Variants in USP42 observed in about 807,000 individuals in gnomAD.
USP42 encodes the protein ubiquitin carboxyl-terminal hydrolase 42.
In USP42, 23 loss-of-function variants were observed where a neutral mutation model predicts 113.0. That is an observed-to-expected ratio of 0.20 (90% confidence interval 0.15 to 0.29). USP42 has a LOEUF of 0.29. Ranked by LOEUF, USP42 falls within the 10% of genes least tolerant of loss-of-function variation. USP42 has a pLI of 1.00. For synonymous variants in USP42, 933 were observed against 699.0 expected (o/e 1.33, Z -5.28); for missense variants, 2,174 against 1,779.8 (o/e 1.22, Z -3.99).
chr7:6,104,884 AGGGGCGCGGCGGGCGCGGC>A (rs1278172827), upstream of USP42: 1 of 145,416 alleles, frequency 6.9e-6, no homozygotes, highest in East Asian at 2.0e-4. Context: ...GGCGGCCCGG[AGGGGCGCGGCGGGCGCGGC>A]GCTGACCCGG....
Position 6,154,625 on chromosome 7 carries a change from A to G in USP42, c.3071A>G (p.His1024Arg). The G allele has an allele frequency of 6.2e-7, 1 of 1,600,332 alleles. No individual in the cohort carries two copies. The highest frequency in any genetic ancestry group is 8.5e-7 in the Non-Finnish European group (1 of 1,174,856). Reference protein sequence around the residue: ...LGRCSHHHSRHRSGVELDWVR... With the variant: ...LGRCSHHHSRRRSGVELDWVR... Reference sequence around the variant, plus strand: ...AGGTGCAGTCACCACCACTCCCGACACCGGAGCGGGGTGGAGCTGGACTGG... The same window carrying G: ...AGGTGCAGTCACCACCACTCCCGACGCCGGAGCGGGGTGGAGCTGGACTGG... Residue 1024 changes from histidine to arginine, a missense_variant, in exon 15 of 18, where the codon CAC becomes CGC. His to Arg is a conservative substitution (Grantham distance 29). Coordinates refer to ENST00000306177, the MANE Select transcript of USP42 (RefSeq NM_032172.3).
At position 6,156,863 on chromosome 7, in the gene USP42, G is replaced by A; in HGVS notation, c.3751G>A (p.Val1251Ile). Residue 1251 changes from valine (V) to isoleucine (I), a missense_variant, in exon 16 of 18, where the codon GTT becomes ATT. Physicochemically the swap from Val to Ile is conservative, Grantham distance 29 (BLOSUM62 3). Coordinates refer to ENST00000306177, the MANE Select transcript of USP42 (RefSeq NM_032172.3). ...KRHSRKSEDFVKDSELHLPRV... is the reference protein window; with the variant it reads ...KRHSRKSEDFIKDSELHLPRV... Reference sequence around the variant, plus strand: ...ACATTCAAGAAAATCAGAGGACTTTGTTAAAGATTCAGAACTGCACTTACC... The same window carrying A: ...ACATTCAAGAAAATCAGAGGACTTTATTAAAGATTCAGAACTGCACTTACC... The A allele has an allele frequency of 1.9e-6, 3 of 1,611,938 alleles. No individual in the cohort carries two copies. Among genetic ancestry groups the A allele is most frequent in the South Asian group, 2.2e-5 (2 of 90,712 alleles).
chr7:6,121,978 A>G (rs73335408), intron 3 of USP42, among the ~76,000 whole-genome samples: 2,092 of 152,286 alleles, frequency 0.014, 21 homozygotes, highest in African/African-American at 0.019. Flanking sequence ...CGTTTGATCA[A>G]TCTGACCAGA....
At chr7:6,126,797 T>C (rs1408791961) in intron 3 of USP42, among the ~76,000 whole-genome samples, 1 of 152,124 alleles carries the variant, frequency 6.6e-6, no homozygotes, top group Non-Finnish European at 1.5e-5. Context: ...TTGTTACTAG[T>C]TTTGGGATAT....
intron 3 of USP42, among the ~76,000 whole-genome samples, chr7:6,121,032 G>GT (rs895812427): frequency 5.9e-4 from 87 of 146,658 alleles, no homozygotes; most frequent in Middle Eastern, 3.5e-3. Context: ...ATTCTAGTAG[G>GT]TTTTTTTTTT....
chr7:6,118,083 C>T (rs1030955911), intron 3 of USP42, among the ~76,000 whole-genome samples: 18 of 148,524 alleles, frequency 1.2e-4, no homozygotes, highest in Middle Eastern at 3.4e-3. Context: ...TCTTTTTATT[C>T]GTTGTGCTGT....
chr7:6,123,015 G>A (rs1033868216), intron 3 of USP42, among the ~76,000 whole-genome samples: 1 of 151,190 alleles, frequency 6.6e-6, no homozygotes, highest in African/African-American at 2.4e-5. Context: ...AGTAGTGATG[G>A]GGTTTCGCCC....
At position 6,149,649 on chromosome 7, in the gene USP42, A is replaced by T. The variant is rs773451113; in HGVS notation, c.1453A>T (p.Asn485Tyr). ...GCCAAGCAGTTCCATGTCGAGTCCT[A>T]ACGGGAATTCCAGTGTCAACAGGGC... The part of the protein sequence containing the change: ...DTPSSSMSSP[N>Y]GNSSVNRASP... The change falls in exon 13 of 18, where the codon AAC (asparagine) becomes TAC (tyrosine). Residue 485 changes from asparagine (N) to tyrosine (Y), a missense_variant. Asn to Tyr is a moderately radical substitution (Grantham distance 143). Coordinates refer to ENST00000306177, the MANE Select transcript of USP42 (RefSeq NM_032172.3). The T allele has an allele frequency of 6.2e-7, 1 of 1,613,966 alleles. No individual in the cohort carries two copies. The highest frequency in any genetic ancestry group is 1.1e-5 in the South Asian group (1 of 91,076).
chr7:6,145,801 G>T, intron 10 of USP42, 145 bp downstream of exon 10: 2 of 985,822 alleles, frequency 2.0e-6, no homozygotes, highest in South Asian at 3.3e-5. Context: ...CGGGCGCAGT[G>T]GCTTACTCCT....
the USP42 span, among the ~76,000 whole-genome samples, chr7:6,095,185 A>T: frequency 6.6e-6 from 1 of 151,170 alleles, no homozygotes; most frequent in South Asian, 2.1e-4. Context: ...GGAACCAGGG[A>T]ATTGACCACT....
At chr7:6,152,868 C>G in intron 14 of USP42, 6 of 944,478 alleles carry the variant, frequency 6.4e-6, no homozygotes, top group Non-Finnish European at 7.6e-6. Flanking sequence ...GAGGTGGCCC[C>G]TCTACCTTTG....
intron 3 of USP42, among the ~76,000 whole-genome samples, chr7:6,122,420 A>G (rs1430197147): frequency 6.6e-6 from 1 of 151,568 alleles, no homozygotes; most frequent in Non-Finnish European, 1.5e-5. Flanking sequence ...CAAGTAGCTG[A>G]GACTACAGAC....
At chr7:6,103,255 G>C (rs981566304), upstream of USP42, among the ~76,000 whole-genome samples, 3 of 151,034 alleles carry the variant, frequency 2.0e-5, no homozygotes, top group South Asian at 4.1e-4. Flanking sequence ...TAGGATTTGA[G>C]ATAAAATCTG....
chr7:6,159,456 G>T lies in USP42; in HGVS notation c.3950G>T (p.Ter1317LeuextTer28). 1 of 1,613,984 alleles carries T rather than the reference G, an allele frequency of 6.2e-7. No homozygotes were observed. Among genetic ancestry groups the T allele is most frequent in the Admixed American group, 1.7e-5 (1 of 60,004 alleles). Reference sequence around the variant, plus strand: ...CCTGACCTTTGCTTTCTAGGTGATTGAAAACTCAGCCTCAAAACAAAAAAT... The same window carrying T: ...CCTGACCTTTGCTTTCTAGGTGATTTAAAACTCAGCCTCAAAACAAAAAAT... The part of the protein sequence containing the change: ...CRLFEYGQGD[*>L] The change falls in exon 17 of 18, where the codon TGA (stop) becomes TTA (leucine). Residue 1317 changes from the stop codon to leucine (L), a stop_lost. Coordinates refer to ENST00000306177, the MANE Select transcript of USP42 (RefSeq NM_032172.3). This position sits in a 1 kb window ranked among gnomAD's most constrained non-coding sequence, Gnocchi z 4.1.
At chr7:6,126,707 G>A (rs973315768) in intron 3 of USP42, among the ~76,000 whole-genome samples, 1 of 152,104 alleles carries the variant, frequency 6.6e-6, no homozygotes, top group Non-Finnish European at 1.5e-5. Flanking sequence ...TTGGGATATC[G>A]TGAGTAGAGC....
chr7:6,082,014 C>T, the USP42 span, among the ~76,000 whole-genome samples: 1 of 151,640 alleles, frequency 6.6e-6, no homozygotes, highest in African/African-American at 2.4e-5. Flanking sequence ...GTATTTTCTG[C>T]GGGGACTTGT....
chr7:6,133,589 A>C (rs1408908100), intron 3 of USP42, among the ~76,000 whole-genome samples: 1 of 152,094 alleles, frequency 6.6e-6, no homozygotes, highest in African/African-American at 2.4e-5. Context: ...ATCATAGCTT[A>C]CTGCAGCCTC....
chr7:6,139,032 G>A lies in USP42; in HGVS notation c.554-60G>A, dbSNP rs576478165. ...TATTATTATAAGATATATTTTGGGG[G>A]GTACAACTTAGGCTTATTACGTGTA... On this transcript the variant is annotated intron_variant, in intron 4 of 17. Transcript: ENST00000306177. The surrounding 1 kb of genome is among the most constrained non-coding windows in gnomAD (Gnocchi z 4.5). 94 of 1,076,878 alleles carry A rather than the reference G, an allele frequency of 8.7e-5. 1 individual carries two copies. The African/African-American group carries it at 1.4e-3, about 16-fold the overall frequency. The allele number at this position is 1,076,878 out of a possible 1,614,324, so 66.7% of individuals were successfully genotyped here. A position where few individuals can be genotyped will look rare whatever the true frequency, so the allele number is the denominator to read the frequency against.
chr7:6,097,556 G>A, the USP42 span, among the ~76,000 whole-genome samples: 9 of 150,326 alleles, frequency 6.0e-5, no homozygotes, highest in South Asian at 1.9e-3. Flanking sequence ...ACAAGCATAA[G>A]CCACTGCGCC....
Sources: allele counts gnomAD v4.1 joint callset (sites outside exome capture counted in the v4.1 genomes callset), GRCh38; gene constraint gnomAD v4.1.1; non-coding constraint Gnocchi (gnomAD v3.1); transcripts MANE v1.5; gene names NCBI Gene and HGNC (gene_info 2026-07-23, HGNC 2026-07-21).